DOCK3: variants seen among roughly 807,000 people sequenced by gnomAD.
DOCK3 encodes dedicator of cytokinesis protein 3.
In DOCK3, 60 loss-of-function variants were observed where a neutral mutation model predicts 265.6. The ratio of observed to expected loss-of-function variants is 0.23; its 90% CI spans 0.18 to 0.28. The LOEUF is 0.28. Ranked by LOEUF, DOCK3 falls within the 10% of genes least tolerant of loss-of-function variation. The pLI, the probability that DOCK3 is intolerant of heterozygous loss-of-function variation, is 1.00. For missense variants in DOCK3, 1,981 were observed against 2,594.3 expected (o/e 0.76, Z 5.14); for synonymous variants, 881 against 938.0 (o/e 0.94, Z 1.11).
In DOCK3 at chr3:51,079,180, A is replaced by T. The variant is rs1387971533; in HGVS notation, c.549+3740A>T. ...TCTTGTCATTGATTTTAGGGAAAAA[A>T]TCCTGTATGAATAAGATTATACTTA... On this transcript the variant is annotated intron_variant, in intron 7 of 52. Transcript: ENST00000266037. Among the ~76,000 whole-genome samples, 9 of 152,148 alleles carry T rather than the reference A, an allele frequency of 5.9e-5. No individual in the cohort carries two copies. The East Asian group carries it at 1.7e-3, about 29-fold the overall frequency.
intron 27 of DOCK3, among the ~76,000 whole-genome samples, chr3:51,298,885 A>T (rs989508234): frequency 1.3e-4 from 19 of 151,736 alleles, no homozygotes; most frequent in Admixed American, 1.2e-3. Flanking sequence ...AAGTGCATGT[A>T]TCTTTGTAAT....
chr3:51,318,016 T>C (rs1054117916), intron 32 of DOCK3, among the ~76,000 whole-genome samples: 1 of 152,182 alleles, frequency 6.6e-6, no homozygotes, highest in African/African-American at 2.4e-5. Context: ...TTTAAATAAA[T>C]TTAGAATCAG....
intron 2 of DOCK3, among the ~76,000 whole-genome samples, chr3:50,779,860 G>A (rs2041825557): frequency 1.3e-5 from 2 of 152,130 alleles, no homozygotes; most frequent in South Asian, 2.1e-4. Flanking sequence ...ATTAACAAAA[G>A]CAAAATTGAT....
At chr3:50,842,749 C>A (rs1188348642) in intron 3 of DOCK3, among the ~76,000 whole-genome samples, 1 of 152,040 alleles carries the variant, frequency 6.6e-6, no homozygotes, top group East Asian at 1.9e-4. Context: ...GGTAATTTTT[C>A]TTATATTTCT....
At chr3:51,165,586 C>A (rs1411077249) in intron 12 of DOCK3, among the ~76,000 whole-genome samples, 1 of 152,170 alleles carries the variant, frequency 6.6e-6, no homozygotes, top group Non-Finnish European at 1.5e-5. Flanking sequence ...AACATTTCTC[C>A]ATTACCTCCT....
intron 1 of DOCK3, among the ~76,000 whole-genome samples, chr3:50,775,992 C>T (rs573307661): frequency 5.3e-5 from 8 of 152,108 alleles, no homozygotes; most frequent in Non-Finnish European, 8.8e-5. Context: ...TTGGTCAGTG[C>T]GCATTTAGGT....
At chr3:50,984,547 C>T (rs2077823214) in intron 5 of DOCK3, among the ~76,000 whole-genome samples, 1 of 152,150 alleles carries the variant, frequency 6.6e-6, no homozygotes, top group African/African-American at 2.4e-5. Context: ...ATATGCCATC[C>T]TCTTTTATCC....
chr3:50,922,917 C>G (rs35190976), intron 4 of DOCK3, among the ~76,000 whole-genome samples: 14,327 of 152,040 alleles, frequency 0.094, 831 homozygotes, highest in Non-Finnish European at 0.12. Context: ...TGCCTCTCCC[C>G]CTTCCCACCT....
chr3:51,260,488 T>C (rs1191392386), intron 23 of DOCK3, among the ~76,000 whole-genome samples, 162 bp downstream of exon 23: 1 of 152,202 alleles, frequency 6.6e-6, no homozygotes, highest in African/African-American at 2.4e-5. Context: ...ATGCTGCTTT[T>C]ACTGCAAATC....
chr3:50,870,015 G>A (rs756148323), intron 3 of DOCK3, among the ~76,000 whole-genome samples: 10 of 152,054 alleles, frequency 6.6e-5, no homozygotes, highest in Non-Finnish European at 1.3e-4. Flanking sequence ...TTAAAATATT[G>A]TAAGAGTTGT....
chr3:51,379,619 C>T, intron 51 of DOCK3: 1 of 985,472 alleles, frequency 1.0e-6, no homozygotes, highest in South Asian at 4.7e-5. Context: ...GTCTCAGACT[C>T]TGCTCAAGGG....
chr3:51,053,657 G>C (rs1044035799), intron 5 of DOCK3, among the ~76,000 whole-genome samples: 1 of 151,954 alleles, frequency 6.6e-6, no homozygotes, highest in African/African-American at 2.4e-5. Context: ...TCCTGACCTC[G>C]TGATCCACCA....
intron 9 of DOCK3, among the ~76,000 whole-genome samples, chr3:51,136,018 C>CT (rs2084777740): frequency 6.6e-6 from 1 of 152,104 alleles, no homozygotes; most frequent in South Asian, 2.1e-4. Context: ...CTCTAGTACC[C>CT]TCTTAACTCA....
intron 5 of DOCK3, among the ~76,000 whole-genome samples, chr3:51,062,736 T>C (rs4505743): frequency 0.9 from 137,309 of 152,308 alleles, 62,088 homozygotes; most frequent in African/African-American, 0.95. Context: ...ATACATGCAA[T>C]GGACTATCAT....
chr3:51,041,312 G>A (rs1355510102), intron 5 of DOCK3, among the ~76,000 whole-genome samples: 18 of 142,692 alleles, frequency 1.3e-4, no homozygotes, highest in Admixed American at 1.2e-3. Flanking sequence ...CTGCCTCCTG[G>A]GTTCACGCCA....
chr3:50,970,964 G>A (rs9874582), intron 5 of DOCK3, among the ~76,000 whole-genome samples: 1 of 30,716 alleles, frequency 3.3e-5, no homozygotes, highest in South Asian at 2.0e-3. Context: ...GTGTGTGTGT[G>A]TGTATATATA....
At chr3:51,300,551 A>G (rs2082316242) in intron 27 of DOCK3, among the ~76,000 whole-genome samples, 2 of 151,980 alleles carry the variant, frequency 1.3e-5, no homozygotes, top group Non-Finnish European at 2.9e-5. Context: ...CGTAAATGCC[A>G]CTTATTATTT....
intron 6 of DOCK3, among the ~76,000 whole-genome samples, chr3:51,072,528 C>G (rs1181878245): frequency 6.6e-6 from 1 of 152,000 alleles, no homozygotes; most frequent in Non-Finnish European, 1.5e-5. Context: ...CATGCCTCAG[C>G]CTCCCAAGTA....
chr3:51,116,994 A>G (rs1220114667), intron 9 of DOCK3, among the ~76,000 whole-genome samples: 1 of 152,116 alleles, frequency 6.6e-6, no homozygotes, highest in African/African-American at 2.4e-5. Context: ...AACTTCCAAT[A>G]CTATGTTGGA....
Sources: allele counts gnomAD v4.1 joint callset (sites outside exome capture counted in the v4.1 genomes callset), GRCh38; gene constraint gnomAD v4.1.1; transcripts MANE v1.5; gene names NCBI Gene and HGNC (gene_info 2026-07-23, HGNC 2026-07-21).